Variants in MCCC1 observed in about 807,000 individuals in gnomAD.
The protein encoded by MCCC1 is methylcrotonyl-CoA carboxylase subunit 1, also known as methylcrotonoyl-CoA carboxylase subunit alpha, mitochondrial.
MCCC1 carries 64 observed loss-of-function variants against 83.8 expected under a neutral mutation model. That is an observed-to-expected ratio of 0.76 (90% CI 0.62 to 0.94). MCCC1 has a LOEUF of 0.94. Ranked by LOEUF, MCCC1 falls within the 40% of genes least tolerant of loss-of-function variation. The pLI is 0.00. For synonymous variants in MCCC1, 322 were observed against 315.4 expected, an observed-to-expected ratio of 1.02 and a Z score of -0.22; for missense variants, 807 against 904.7, an observed-to-expected ratio of 0.89 and a Z score of 1.39.
chr3:183,023,311 T>C (rs916039804), intron 15 of MCCC1, among the ~76,000 whole-genome samples: 11 of 152,182 alleles, frequency 7.2e-5, no homozygotes, highest in Admixed American at 2.0e-4. Flanking sequence ...TAAGGTGAAA[T>C]AGGTCACACT....
At position 183,087,405 on chromosome 3, in the gene MCCC1, T is replaced by C. The variant is rs534049034; in HGVS notation, c.274-617A>G. 5.3e-5 allele frequency among the ~76,000 whole-genome samples: 8 copies of C among 152,244 alleles called. No homozygotes were observed. The East Asian group carries it at 1.5e-3, about 29-fold the overall frequency. On this transcript the variant is annotated intron_variant, in intron 3 of 18. Coordinates refer to ENST00000265594, the MANE Select transcript of MCCC1 (RefSeq NM_020166.5). ...CCTGTACCATAGTGAACAAGACAAA[T>C]GTCCCTGTCTAGGGGGAGAGACAGA...
At chr3:183,107,881 ATGC>A (rs904293990) in intron 1 of MCCC1, among the ~76,000 whole-genome samples, 1 of 152,126 alleles carries the variant, frequency 6.6e-6, no homozygotes, top group African/African-American at 2.4e-5. Context: ...GATGCTGATG[ATGC>A]TGATATTTTT....
intron 8 of MCCC1, 42 bp from the exon 9 acceptor site, chr3:183,052,282 C>A (rs368541509): frequency 2.4e-4 from 369 of 1,558,324 alleles, no homozygotes; most frequent in Non-Finnish European, 3.0e-4. Flanking sequence ...TAGTAGCTTG[C>A]CTTACTAGAA....
At chr3:183,038,964 A>C in intron 12 of MCCC1, 62 bp downstream of exon 12, 1 of 1,446,774 alleles carries the variant, frequency 6.9e-7, no homozygotes, top group Non-Finnish European at 9.7e-7. Flanking sequence ...CCAAAGACAA[A>C]GGCTGACCTC....
intron 11 of MCCC1, 99 bp from the exon 12 acceptor site, chr3:183,039,234 T>A: frequency 9.2e-7 from 1 of 1,090,004 alleles, no homozygotes; most frequent in Non-Finnish European, 1.4e-6. Flanking sequence ...CGCTTAATCC[T>A]CATAAACCCC....
intron 14 of MCCC1, among the ~76,000 whole-genome samples, chr3:183,026,366 G>T (rs1307653633): frequency 6.6e-6 from 1 of 152,162 alleles, no homozygotes; most frequent in Non-Finnish European, 1.5e-5. Context: ...TTTTAAGGTT[G>T]TCGAATATTT....
chr3:183,040,530 G>A (rs1486602402), intron 11 of MCCC1, among the ~76,000 whole-genome samples: 2 of 117,110 alleles, frequency 1.7e-5, no homozygotes, highest in African/African-American at 6.5e-5. Flanking sequence ...AGCCAACATG[G>A]TGAAAACCTG....
chr3:183,017,832 A>C (rs1711796734), intron 17 of MCCC1: 1 of 161,380 alleles, frequency 6.2e-6, no homozygotes, highest in African/African-American at 2.4e-5. Context: ...TGGTCAAATC[A>C]GAGGCCTACA....
At position 183,071,273 on chromosome 3, in the gene MCCC1, C is replaced by T; in HGVS notation, c.576G>A (p.Lys192=). ...GATAGCCAATTCTCCTGGCGTGTTC[C>T]TTCAGGCACTGGTCTGATTGGTCCT... is the stretch of plus-strand genomic sequence containing the variant. ...HGEDQSDQCL[K]EHARRIGYPV... is the part of the protein sequence containing the mutation. The change falls in exon 6 of 19, where the codon AAG becomes AAA. Residue 192 remains lysine (K), a synonymous_variant. Transcript: ENST00000265594. The T allele has an allele frequency of 6.2e-7, 1 of 1,614,212 alleles. No individual in the cohort carries two copies. The highest frequency in any genetic ancestry group is 8.5e-7 in the Non-Finnish European group (1 of 1,180,038).
At chr3:183,029,519 G>A (rs769674118) in intron 14 of MCCC1, among the ~76,000 whole-genome samples, 18 of 151,994 alleles carry the variant, frequency 1.2e-4, no homozygotes, top group Non-Finnish European at 2.5e-4. Flanking sequence ...TCCATGCCTC[G>A]TACTCCTTCG....
At chr3:183,114,689 G>A (rs1353625285) in intron 1 of MCCC1, among the ~76,000 whole-genome samples, 1 of 152,194 alleles carries the variant, frequency 6.6e-6, no homozygotes, top group Non-Finnish European at 1.5e-5. Flanking sequence ...TCCTCCTAGA[G>A]AGCAAGCCAC....
intron 8 of MCCC1, among the ~76,000 whole-genome samples, chr3:183,053,037 G>C (rs1292282363): frequency 6.6e-6 from 1 of 152,096 alleles, no homozygotes; most frequent in Admixed American, 6.5e-5. Context: ...GAAGATGACA[G>C]CTCCATAGAT....
At chr3:183,022,619 G>T in intron 15 of MCCC1, 65 bp from the exon 16 acceptor site, 1 of 1,333,578 alleles carries the variant, frequency 7.5e-7, no homozygotes, top group Non-Finnish European at 1.1e-6. Flanking sequence ...AATAAGATCA[G>T]AATCAATTCT....
rs191388237 is a variant in MCCC1, at chr3:183,044,031, C to G, written c.1083+1382G>C. 2.5e-3 allele frequency among the ~76,000 whole-genome samples: 379 copies of G among 152,254 alleles called. 1 individual carries two copies. The highest frequency in any genetic ancestry group is 4.3e-3 in the Non-Finnish European group (292 of 68,032). ...CTAGGATATAGAGCCCTAGAAGAAC[C>G]TTTTGGCTCAATTAGAACCACCAAT... is the stretch of plus-strand genomic sequence containing the variant. On this transcript the variant is annotated intron_variant, in intron 10 of 18. Transcript: ENST00000265594.
In MCCC1 at chr3:183,057,291, T is replaced by C. The variant is rs757084315; in HGVS notation, c.873+20A>G. On this transcript the variant is annotated intron_variant, in intron 8 of 18. Transcript: ENST00000265594. Reference sequence around the variant, plus strand: ...TTCACATTACGGAGAAGCTTACAAATTTCTTTCCAAGGTCCTTACCGCTGG... The same window carrying C: ...TTCACATTACGGAGAAGCTTACAAACTTCTTTCCAAGGTCCTTACCGCTGG... The C allele has an allele frequency of 5.2e-6, 8 of 1,550,952 alleles. No homozygotes were observed. The South Asian group carries it at 7.0e-5, about 14-fold the overall frequency.
chr3:183,037,903 A>G (rs1335387675), intron 12 of MCCC1, among the ~76,000 whole-genome samples: 2 of 152,216 alleles, frequency 1.3e-5, no homozygotes, highest in African/African-American at 4.8e-5. Context: ...CTTTCCAACA[A>G]TAAAATCCAA....
At chr3:183,092,726 C>G (rs1238586631) in intron 2 of MCCC1, among the ~76,000 whole-genome samples, 181 bp from the exon 3 acceptor site, 4 of 152,140 alleles carry the variant, frequency 2.6e-5, no homozygotes, top group African/African-American at 9.7e-5. Flanking sequence ...CACTTCTTTT[C>G]TCTTAAATTC....
chr3:183,024,806 C>CA (rs966964697), intron 15 of MCCC1, among the ~76,000 whole-genome samples: 1 of 151,780 alleles, frequency 6.6e-6, no homozygotes. Flanking sequence ...ATCCAAAGGA[C>CA]AAAAAACAGG....
At chr3:183,066,312 A>G (rs1716254808) in intron 7 of MCCC1, among the ~76,000 whole-genome samples, 1 of 152,060 alleles carries the variant, frequency 6.6e-6, no homozygotes, top group South Asian at 2.1e-4. Flanking sequence ...TATTATTATT[A>G]TTATTACTTT....
Sources: gnomAD v4.1 joint callset for allele counts (sites outside exome capture counted in the v4.1 genomes callset) on GRCh38, gnomAD v4.1.1 for gene constraint, MANE v1.5 for transcripts, NCBI Gene and HGNC (gene_info 2026-07-23, HGNC 2026-07-21) for gene names.